PTPRU: variants seen among roughly 807,000 people sequenced by gnomAD.
PTPRU encodes the protein protein tyrosine phosphatase receptor type U.
A neutral mutation model predicts 166.3 loss-of-function variants in PTPRU; 69 were observed. The ratio of observed to expected loss-of-function variants is 0.41; its 90% confidence interval spans 0.34 to 0.51. The LOEUF (loss-of-function observed/expected upper bound fraction) is 0.51. PTPRU is among the 20% of genes least tolerant of loss of function. The probability of loss-of-function intolerance (pLI) is 0.09; values close to 1 mark genes in which losing one functional copy is unlikely to be tolerated. For missense variants in PTPRU, 1,657 were observed against 2,013.7 expected (o/e 0.82, Z 3.39); for synonymous variants, 793 against 814.0 (o/e 0.97, Z 0.44).
chr1:29,302,539 A>C (rs1687184992), intron 15 of PTPRU, among the ~76,000 whole-genome samples: 1 of 151,868 alleles, frequency 6.6e-6, no homozygotes, highest in African/African-American at 2.4e-5. Context: ...CAGGTGTATC[A>C]TTTATTATGA....
intron 1 of PTPRU, among the ~76,000 whole-genome samples, chr1:29,246,454 G>A (rs1908088): frequency 4.6e-5 from 7 of 152,008 alleles, no homozygotes; most frequent in Non-Finnish European, 8.8e-5. Flanking sequence ...GTTTGCAAAG[G>A]CAGCACCACT....
At chr1:29,289,544 C>A in intron 14 of PTPRU, 1 of 947,656 alleles carries the variant, frequency 1.1e-6, no homozygotes, top group Non-Finnish European at 1.6e-6. Flanking sequence ...TCCTCCTGAC[C>A]TGTTCAGTCC....
chr1:29,256,876 T>TA (rs1436760892), intron 2 of PTPRU, among the ~76,000 whole-genome samples: 1 of 152,110 alleles, frequency 6.6e-6, no homozygotes, highest in African/African-American at 2.4e-5. Context: ...AGCAGAGACA[T>TA]ACCCAGTGAG....
At chr1:29,286,709 G>A (rs931919248) in intron 14 of PTPRU, among the ~76,000 whole-genome samples, 1 of 152,058 alleles carries the variant, frequency 6.6e-6, no homozygotes, top group East Asian at 1.9e-4. Flanking sequence ...GATTGGCAGA[G>A]TGAGGGGTGT....
chr1:29,261,012 G>T, intron 7 of PTPRU, 109 bp downstream of exon 7: 2 of 1,244,588 alleles, frequency 1.6e-6, no homozygotes, highest in Non-Finnish European at 2.1e-6. Flanking sequence ...CTAAAACATT[G>T]TGATTTTTCC....
chr1:29,245,138 TTTAA>T (rs1684235346), intron 1 of PTPRU, among the ~76,000 whole-genome samples: 1 of 152,200 alleles, frequency 6.6e-6, no homozygotes, highest in South Asian at 2.1e-4. Context: ...GGGGCTGTAC[TTTAA>T]TTGTCTGAGA....
chr1:29,315,301 T>C lies in PTPRU; in HGVS notation c.3228-71T>C. The C allele has an allele frequency of 3.1e-6, 5 of 1,589,170 alleles. No homozygotes were observed. Among genetic ancestry groups the C allele is most frequent in the Non-Finnish European group, 4.3e-6 (5 of 1,161,852 alleles). ...GGTGTAGACATGGCCAGTGCCCTCC[T>C]CTCTTCTTCTCCTTAGTCCCGGGCT... On this transcript the variant is annotated intron_variant, in intron 22 of 29. Transcript: ENST00000373779. The surrounding 1 kb of genome is among the most constrained non-coding windows in gnomAD (Gnocchi z 4.5).
intron 1 of PTPRU, among the ~76,000 whole-genome samples, chr1:29,251,396 G>T (rs907684583): frequency 6.6e-6 from 1 of 152,164 alleles, no homozygotes; most frequent in Admixed American, 6.5e-5. Flanking sequence ...GGGTGTGCAG[G>T]TCTGGGGTCA....
chr1:29,311,852 G>A lies in PTPRU; in HGVS notation c.3072+93G>A. On this transcript the variant is annotated intron_variant, in intron 21 of 29. Coordinates refer to ENST00000373779, the MANE Select transcript of PTPRU (RefSeq NM_133178.4). This position sits in a 1 kb window ranked among gnomAD's most constrained non-coding sequence, Gnocchi z 4.1. ...CCCCCAGCCCTGGGAGCAGGAGGGT[G>A]AGGAGCGCACCACTGCCCATCCCAG... 1 of 1,263,412 alleles carries A rather than the reference G, an allele frequency of 7.9e-7. No individual in the cohort carries two copies. The highest frequency in any genetic ancestry group is 1.1e-6 in the Non-Finnish European group (1 of 883,866). The allele number at this position is 1,263,412 out of a possible 1,614,324, so 78.3% of individuals were successfully genotyped here. A position where few individuals can be genotyped will look rare whatever the true frequency, so the allele number is the denominator to read the frequency against.
chr1:29,265,643 A>G (rs1405922574), intron 7 of PTPRU, among the ~76,000 whole-genome samples: 1 of 152,116 alleles, frequency 6.6e-6, no homozygotes, highest in Non-Finnish European at 1.5e-5. Context: ...GATTACAAAC[A>G]TGAGCCACGG....
chr1:29,266,326 GTTTTACA>G (rs1685303024), intron 7 of PTPRU, among the ~76,000 whole-genome samples: 1 of 152,008 alleles, frequency 6.6e-6, no homozygotes, highest in South Asian at 2.1e-4. Context: ...AAGTGTTATA[GTTTTACA>G]TTTTACATTT....
chr1:29,236,933 C>T lies in PTPRU; in HGVS notation c.73+216C>T, dbSNP rs115246512. Among the ~76,000 whole-genome samples, 3,218 of 152,006 alleles carry T rather than the reference C, an allele frequency of 0.021. 127 individuals carry two copies. The highest frequency in any genetic ancestry group is 0.074 in the African/African-American group (3,047 of 41,430). On this transcript the variant is annotated intron_variant, in intron 1 of 29. Transcript: ENST00000373779. This position sits in a 1 kb window ranked among gnomAD's most constrained non-coding sequence, Gnocchi z 4.6. Reference sequence around the variant, plus strand: ...GTGCGCAAGAAAAGGTGATGTGTGTCGGCGAGTATGTTGGGGGTGAATGTT... The same window carrying T: ...GTGCGCAAGAAAAGGTGATGTGTGTTGGCGAGTATGTTGGGGGTGAATGTT...
intron 7 of PTPRU, among the ~76,000 whole-genome samples, chr1:29,268,956 A>G (rs540026652): frequency 2.6e-4 from 40 of 152,180 alleles, no homozygotes; most frequent in African/African-American, 9.4e-4. Context: ...CCACTTGTAC[A>G]AATCTACACA....
intron 14 of PTPRU, chr1:29,289,598 C>T (rs1686525120): frequency 6.5e-7 from 1 of 1,549,064 alleles, no homozygotes; most frequent in Non-Finnish European, 8.9e-7. Context: ...CAGGCCCCAC[C>T]CTGCTGCCTG....
chr1:29,288,467 A>G (rs535278155), intron 14 of PTPRU, among the ~76,000 whole-genome samples: 10 of 152,282 alleles, frequency 6.6e-5, no homozygotes, highest in South Asian at 2.1e-4. Flanking sequence ...TGAAGGCACA[A>G]TGTGTCAACT....
At position 29,315,484 on chromosome 1, in the gene PTPRU, C is replaced by T. The variant is rs780002847; in HGVS notation, c.3340C>T (p.Arg1114Cys). Residue 1114 changes from arginine (R) to cysteine (C), a missense_variant, in exon 23 of 30, where the codon CGT (arginine) becomes TGT (cysteine). Arg to Cys is a radical substitution (Grantham distance 180). Around this residue, in one of 3 missense-constraint regions of PTPRU, gnomAD observed 1,190 missense variants for 1,477.4 expected, o/e 0.81. Coordinates refer to ENST00000373779, the MANE Select transcript of PTPRU (RefSeq NM_133178.4). The surrounding 1 kb of genome is among the most constrained non-coding windows in gnomAD (Gnocchi z 4.5). ...CTGTGTGAAGACTCTCTGCTCCCGG[C>T]GTGTCAACATGATCCAGACTGAGGT... ...YNCVKTLCSR[R>C]VNMIQTEEQY... is the part of the protein sequence containing the mutation. 2.5e-6 allele frequency: 4 copies of T among 1,614,076 alleles called. No individual in the cohort carries two copies. Among genetic ancestry groups the T allele is most frequent in the East Asian group, 2.2e-5 (1 of 44,872 alleles).
chr1:29,258,586 A>G lies in PTPRU; in HGVS notation c.287A>G (p.Asp96Gly), dbSNP rs1397594638. ...HVIFQSLSENDTHCVQFSYFL... is the reference protein window; with the variant it reads ...HVIFQSLSENGTHCVQFSYFL... ...ATCTTCCAGAGCCTGAGCGAGAATG[A>G]TACCCACTGTGTGCAGTTCAGCTAC... is the stretch of plus-strand genomic sequence containing the variant. Residue 96 changes from aspartate (D) to glycine (G), a missense_variant, in exon 3 of 30, where the codon GAT becomes GGT. Coordinates refer to ENST00000373779, the MANE Select transcript of PTPRU (RefSeq NM_133178.4). 1 of 1,614,120 alleles carries G rather than the reference A, an allele frequency of 6.2e-7. No individual in the cohort carries two copies. Among genetic ancestry groups the G allele is most frequent in the Non-Finnish European group, 8.5e-7 (1 of 1,180,046 alleles).
chr1:29,264,508 CTTT>C (rs1197340600), intron 7 of PTPRU, among the ~76,000 whole-genome samples: 1 of 140,918 alleles, frequency 7.1e-6, no homozygotes. Flanking sequence ...CAACCTCATT[CTTT>C]TTTTTTTTTT....
At chr1:29,241,995 G>C (rs1264071765) in intron 1 of PTPRU, among the ~76,000 whole-genome samples, 1 of 151,122 alleles carries the variant, frequency 6.6e-6, no homozygotes, top group Non-Finnish European at 1.5e-5. Flanking sequence ...GGGTTCAAGC[G>C]ATTCTCCTGC....
Sources: gnomAD v4.1 joint callset for allele counts (sites outside exome capture counted in the v4.1 genomes callset) on GRCh38, gnomAD v4.1.1 for gene constraint, gnomAD v4.1.1 regional missense constraint, Gnocchi (gnomAD v3.1) non-coding constraint, MANE v1.5 for transcripts, NCBI Gene and HGNC (gene_info 2026-07-23, HGNC 2026-07-21) for gene names.